The following STARD13 variants were observed in gnomAD, a reference collection of about 807,000 sequenced individuals.
STARD13 encodes the protein StAR related lipid transfer domain containing 13.
STARD13 carries 62 observed loss-of-function variants against 106.4 expected under a neutral mutation model. That is an observed-to-expected ratio of 0.58 (90% CI 0.48 to 0.72). The LOEUF is 0.72. Ranked by LOEUF, STARD13 falls within the 30% of genes least tolerant of loss-of-function variation. The pLI, the probability that STARD13 is intolerant of heterozygous loss-of-function variation, is 0.00. For missense variants in STARD13, 1,387 were observed against 1,424.0 expected, an observed-to-expected ratio of 0.97 and a Z score of 0.42; for synonymous variants, 565 against 553.0, an observed-to-expected ratio of 1.02 and a Z score of -0.31.
chr13:33,518,419 C>T, the STARD13 span, among the ~76,000 whole-genome samples: 6 of 152,206 alleles, frequency 3.9e-5, no homozygotes, highest in East Asian at 9.7e-4. Flanking sequence ...TGTGGCTACT[C>T]CTGAAATCCA....
rs564790 is a variant in STARD13, at chr13:33,130,936, G to A, written c.388-647C>T. 0.11 allele frequency among the ~76,000 whole-genome samples: 16,693 copies of A among 152,296 alleles called. 1,194 individuals are homozygous for A. The highest frequency in any genetic ancestry group is 0.19 in the African/African-American group (7,918 of 41,546). ...TCCAATCCGGCTACTCTGCATGAGC[G>A]TCTTTTTCTGTGGAATCAACTCCGA... On this transcript the variant is annotated intron_variant, in intron 4 of 13. Transcript: ENST00000336934. The surrounding 1 kb of genome is among the most constrained non-coding windows in gnomAD (Gnocchi z 4.1).
the STARD13 span, among the ~76,000 whole-genome samples, chr13:33,452,736 ACTTGTGTACCAT>A: frequency 6.6e-6 from 1 of 152,214 alleles, no homozygotes; most frequent in Non-Finnish European, 1.5e-5. Flanking sequence ...TAAGCTAAAA[ACTTGTGTACCAT>A]CTCTCATCCA....
chr13:33,368,777 C>T, the STARD13 span, among the ~76,000 whole-genome samples: 16 of 152,132 alleles, frequency 1.1e-4, no homozygotes, highest in African/African-American at 3.4e-4. Flanking sequence ...AACCCTCCTC[C>T]GAGCAGCACT....
chr13:33,412,989 C>T, the STARD13 span, among the ~76,000 whole-genome samples: 1 of 152,194 alleles, frequency 6.6e-6, no homozygotes, highest in Non-Finnish European at 1.5e-5. Context: ...CTTCACTCAA[C>T]CACAGCAGAA....
At chr13:33,674,452 A>G in the STARD13 span, among the ~76,000 whole-genome samples, 1 of 152,244 alleles carries the variant, frequency 6.6e-6, no homozygotes, top group African/African-American at 2.4e-5. Context: ...GAGCTCTGTA[A>G]TGGTGTGGTT....
chr13:33,500,987 A>C, the STARD13 span, among the ~76,000 whole-genome samples: 1 of 150,470 alleles, frequency 6.6e-6, no homozygotes, highest in Non-Finnish European at 1.5e-5. Flanking sequence ...CAGTATAACT[A>C]TCGGAAAAAT....
intron 1 of STARD13, among the ~76,000 whole-genome samples, chr13:33,308,510 C>CTTTTTT (rs1193493503): frequency 8.8e-6 from 1 of 113,604 alleles, no homozygotes; most frequent in African/African-American, 3.0e-5. Context: ...TTTTCTTTTT[C>CTTTTTT]TTTTTCTTTC....
At chr13:33,533,215 G>A in the STARD13 span, among the ~76,000 whole-genome samples, 1 of 152,158 alleles carries the variant, frequency 6.6e-6, no homozygotes, top group Non-Finnish European at 1.5e-5. Flanking sequence ...TACCTAGTAA[G>A]ACCCTGGAGG....
chr13:33,339,840 A>C (rs1365474103), intron 1 of STARD13, among the ~76,000 whole-genome samples: 3 of 152,196 alleles, frequency 2.0e-5, no homozygotes, highest in Non-Finnish European at 2.9e-5. Flanking sequence ...TAATCCCAGC[A>C]CTTTGGGAGG....
chr13:33,594,875 G>A, the STARD13 span, among the ~76,000 whole-genome samples: 3 of 152,298 alleles, frequency 2.0e-5, no homozygotes, highest in East Asian at 5.8e-4. Flanking sequence ...ATACTTGACT[G>A]TATGTGTATA....
At chr13:33,463,943 A>C in the STARD13 span, among the ~76,000 whole-genome samples, 1 of 151,538 alleles carries the variant, frequency 6.6e-6, no homozygotes, top group African/African-American at 2.4e-5. Flanking sequence ...CCCAGGAGGC[A>C]GAGGTTGCAG....
At chr13:33,363,776 A>G in the STARD13 span, among the ~76,000 whole-genome samples, 1 of 152,186 alleles carries the variant, frequency 6.6e-6, no homozygotes, top group Non-Finnish European at 1.5e-5. Context: ...TGGATTTTTA[A>G]TGTCTGCATC....
Position 33,105,421 on chromosome 13 carries a change from G to T in STARD13, c.*172C>A. 1.7e-6 allele frequency: 1 copy of T among 572,784 alleles called. No homozygotes were observed. The allele number at this position is 572,784 out of a possible 1,614,324, so 35.5% of individuals were successfully genotyped here. ...AGCCATCTCCAGGAAGGCTAAGAAA[G>T]TTCTTGGAAATTCTTGCATCTCCAA... is the stretch of plus-strand genomic sequence containing the variant. On this transcript the variant is annotated 3_prime_UTR_variant, in exon 14 of 14. Transcript: ENST00000336934.
chr13:33,184,440 C>T (rs913743726), intron 1 of STARD13, among the ~76,000 whole-genome samples: 2 of 152,040 alleles, frequency 1.3e-5, no homozygotes, highest in African/African-American at 4.8e-5. Flanking sequence ...ATGGATGTCT[C>T]TAGTGGATAA....
At chr13:33,664,281 G>A in the STARD13 span, among the ~76,000 whole-genome samples, 15 of 152,062 alleles carry the variant, frequency 9.9e-5, no homozygotes, top group Admixed American at 8.5e-4. Flanking sequence ...ACAACACTAC[G>A]CTAAATAGGG....
chr13:33,446,829 G>C, the STARD13 span, among the ~76,000 whole-genome samples: 1 of 152,082 alleles, frequency 6.6e-6, no homozygotes, highest in Non-Finnish European at 1.5e-5. Flanking sequence ...CTTGACATCT[G>C]GTGCTAATAA....
chr13:33,661,117 G>T, the STARD13 span, among the ~76,000 whole-genome samples: 6 of 152,274 alleles, frequency 3.9e-5, no homozygotes, highest in South Asian at 1.2e-3. Flanking sequence ...CTATTCCTTA[G>T]ATTTCTTCCA....
intron 1 of STARD13, among the ~76,000 whole-genome samples, chr13:33,306,335 A>G (rs1892905248): frequency 6.6e-6 from 1 of 152,244 alleles, no homozygotes; most frequent in Admixed American, 6.5e-5. Context: ...CTCAATATGA[A>G]TTAAATACTT....
chr13:33,635,381 C>T, the STARD13 span, among the ~76,000 whole-genome samples: 5 of 152,150 alleles, frequency 3.3e-5, no homozygotes, highest in Admixed American at 6.5e-5. Flanking sequence ...CTTAGCAGGC[C>T]GGTTGTGGTG....
Sources: gnomAD v4.1 joint callset for allele counts (sites outside exome capture counted in the v4.1 genomes callset) on GRCh38, gnomAD v4.1.1 for gene constraint, Gnocchi (gnomAD v3.1) non-coding constraint, MANE v1.5 for transcripts, NCBI Gene and HGNC (gene_info 2026-07-23, HGNC 2026-07-21) for gene names.